Variants in EXOC6B observed in about 807,000 individuals in gnomAD.
The protein encoded by EXOC6B is exocyst complex component 6B, also known as SEC15 homolog B.
A neutral mutation model predicts 113.5 loss-of-function variants in EXOC6B; 54 were observed. The observed-to-expected ratio is 0.48, with a 90% CI of 0.38 to 0.60. The LOEUF is 0.60. Among genes scored for constraint, EXOC6B ranks in the 20% least tolerant of loss-of-function variants. The pLI is 0.00. For missense variants in EXOC6B, 797 were observed against 977.5 expected (o/e 0.82, Z 2.46); for synonymous variants, 357 against 339.0 (o/e 1.05, Z -0.58).
At chr2:72,797,711 G>A (rs867354820) in intron 1 of EXOC6B, among the ~76,000 whole-genome samples, 5 of 152,172 alleles carry the variant, frequency 3.3e-5, no homozygotes, top group Non-Finnish European at 2.9e-5. Flanking sequence ...CTACTCAGGA[G>A]GCTGAGGCAA....
rs544772433 is a variant in EXOC6B, at chr2:72,417,337, T to C, written c.1981-37467A>G. On this transcript the variant is annotated intron_variant, in intron 18 of 21. Transcript: ENST00000272427. ...TTAGAGCAGCTAATTTTTGTATTTTTAGTAGAGGCAGGGTTTCACCATGTT... is the reference window on the plus strand; with the variant it reads ...TTAGAGCAGCTAATTTTTGTATTTTCAGTAGAGGCAGGGTTTCACCATGTT... Among the ~76,000 whole-genome samples the C allele has an allele frequency of 3.9e-5, 6 of 152,268 alleles. No homozygotes were observed. In the South Asian group the frequency reaches 1.2e-3, roughly 32 times the overall value.
At chr2:72,803,762 G>A (rs1232754466) in intron 1 of EXOC6B, among the ~76,000 whole-genome samples, 2 of 152,038 alleles carry the variant, frequency 1.3e-5, no homozygotes, top group African/African-American at 4.8e-5. Context: ...TTGCCTGCTG[G>A]TACCTTTCCA....
chr2:72,253,647 G>A (rs968003180), intron 20 of EXOC6B, among the ~76,000 whole-genome samples: 2 of 152,056 alleles, frequency 1.3e-5, no homozygotes, highest in African/African-American at 4.8e-5. Flanking sequence ...GCTAAATATC[G>A]AGTACATATG....
At chr2:72,638,832 G>A (rs577486913) in intron 6 of EXOC6B, among the ~76,000 whole-genome samples, 2 of 152,146 alleles carry the variant, frequency 1.3e-5, no homozygotes, top group Non-Finnish European at 2.9e-5. Context: ...TTCCATAGGA[G>A]ACTTTAGCCC....
rs141097079 is a variant in EXOC6B at position 72,671,097 on chromosome 2, G to C, written c.669+47006C>G. ...CATTGGGGAAATGCTCCAGAACACT[G>C]GATGGACAAAGATTTTTTGTGTAGA... On this transcript the variant is annotated intron_variant, in intron 6 of 21. Coordinates refer to ENST00000272427, the MANE Select transcript of EXOC6B (RefSeq NM_015189.3). Among the ~76,000 whole-genome samples the C allele has an allele frequency of 4.5e-4, 68 of 152,186 alleles. 2 individuals carry two copies. Among genetic ancestry groups the C allele is most frequent in the Middle Eastern group, 3.4e-3 (1 of 294 alleles).
At chr2:72,477,269 C>T (rs1027231685) in intron 17 of EXOC6B, among the ~76,000 whole-genome samples, 2 of 152,174 alleles carry the variant, frequency 1.3e-5, no homozygotes, top group East Asian at 3.9e-4. Flanking sequence ...CGTATTTCTG[C>T]TTTCCAAATG....
chr2:72,249,393 T>G (rs1682869162), intron 20 of EXOC6B, among the ~76,000 whole-genome samples: 1 of 151,930 alleles, frequency 6.6e-6, no homozygotes, highest in Non-Finnish European at 1.5e-5. Flanking sequence ...TAGCTGGGAC[T>G]ATAGGCGCCC....
chr2:72,293,150 C>T (rs1685915159), intron 20 of EXOC6B, among the ~76,000 whole-genome samples: 1 of 152,068 alleles, frequency 6.6e-6, no homozygotes, highest in African/African-American at 2.4e-5. Flanking sequence ...ATGTCCCCAC[C>T]AGCACTGTAT....
chr2:72,300,487 C>T (rs1309407522), intron 20 of EXOC6B, among the ~76,000 whole-genome samples: 1 of 152,198 alleles, frequency 6.6e-6, no homozygotes, highest in African/African-American at 2.4e-5. Flanking sequence ...CCAAGCCAGA[C>T]CACGTGGCTG....
At chr2:72,435,213 G>GT (rs550314243) in intron 18 of EXOC6B, among the ~76,000 whole-genome samples, 14 of 152,152 alleles carry the variant, frequency 9.2e-5, no homozygotes, top group Non-Finnish European at 1.9e-4. Flanking sequence ...CAGTTGTGTT[G>GT]TTTTGAGTGA....
At chr2:72,381,233 T>C (rs903417542) in intron 18 of EXOC6B, among the ~76,000 whole-genome samples, 2 of 152,198 alleles carry the variant, frequency 1.3e-5, no homozygotes, top group African/African-American at 4.8e-5. Flanking sequence ...CCTTTTTCAG[T>C]TGAATATTAT....
At chr2:72,352,020 C>T (rs1411213471) in intron 19 of EXOC6B, among the ~76,000 whole-genome samples, 3 of 152,124 alleles carry the variant, frequency 2.0e-5, no homozygotes, top group African/African-American at 7.2e-5. Flanking sequence ...CATACTATTG[C>T]CTTTCAGAAC....
intron 6 of EXOC6B, among the ~76,000 whole-genome samples, chr2:72,685,553 A>G (rs1677029298): frequency 6.6e-6 from 1 of 152,176 alleles, no homozygotes; most frequent in African/African-American, 2.4e-5. Flanking sequence ...TCCAAAAAAA[A>G]CAACAGTACT....
intron 20 of EXOC6B, among the ~76,000 whole-genome samples, chr2:72,272,208 T>C (rs984945853): frequency 2.6e-5 from 4 of 152,150 alleles, no homozygotes; most frequent in East Asian, 1.9e-4. Context: ...TAGGAGTTCA[T>C]CTTGGATAAG....
In EXOC6B at chr2:72,550,994, C is replaced by T. The variant is rs78911533; in HGVS notation, c.915+8459G>A. ...AGTGCAATGGCGCGATCTTGGATAA[C>T]TGCCATTTATTAAATGACAATTATG... On this transcript the variant is annotated intron_variant, in intron 8 of 21. Transcript: ENST00000272427. Among the ~76,000 whole-genome samples the T allele has an allele frequency of 3.2e-3, 482 of 149,198 alleles. 2 individuals are homozygous for T. Among genetic ancestry groups the T allele is most frequent in the African/African-American group, 0.011 (459 of 40,574 alleles).
At chr2:72,388,557 G>C (rs1462211014) in intron 18 of EXOC6B, among the ~76,000 whole-genome samples, 2 of 152,084 alleles carry the variant, frequency 1.3e-5, no homozygotes, top group Non-Finnish European at 2.9e-5. Flanking sequence ...CATCAATTAA[G>C]TCAAGTTGTA....
intron 5 of EXOC6B, among the ~76,000 whole-genome samples, chr2:72,719,548 A>G (rs928598843): frequency 5.3e-5 from 8 of 152,204 alleles, no homozygotes; most frequent in Non-Finnish European, 1.2e-4. Context: ...GGGAAACCTA[A>G]GAAGGTAGGT....
At chr2:72,182,269 G>A (rs1172220845) in intron 21 of EXOC6B, among the ~76,000 whole-genome samples, 1 of 152,180 alleles carries the variant, frequency 6.6e-6, no homozygotes, top group African/African-American at 2.4e-5. Context: ...GCCATAGGGA[G>A]TGGATAAGCC....
chr2:72,219,978 G>A (rs984760259), intron 20 of EXOC6B, among the ~76,000 whole-genome samples: 3 of 152,040 alleles, frequency 2.0e-5, no homozygotes, highest in East Asian at 1.9e-4. Context: ...TACAGCCTCC[G>A]GTAAGTCACT....
Sources: gnomAD v4.1 joint callset for allele counts (sites outside exome capture counted in the v4.1 genomes callset) on GRCh38, gnomAD v4.1.1 for gene constraint, MANE v1.5 for transcripts, NCBI Gene and HGNC (gene_info 2026-07-23, HGNC 2026-07-21) for gene names.